The following RBFOX1 variants were observed in gnomAD, a reference collection of about 807,000 sequenced individuals.
The protein encoded by RBFOX1 is RNA binding fox-1 homolog 1.
RBFOX1 carries 8 observed loss-of-function variants against 57.7 expected under a neutral mutation model. The ratio of observed to expected loss-of-function variants is 0.14; its 90% CI spans 0.08 to 0.25. RBFOX1 has a LOEUF of 0.25. RBFOX1 is among the 10% of genes least tolerant of loss of function. The pLI is 1.00. For synonymous variants in RBFOX1, 326 were observed against 222.4 expected, an observed-to-expected ratio of 1.47 and a Z score of -4.15; for missense variants, 611 against 548.5, an observed-to-expected ratio of 1.11 and a Z score of -1.14.
intron 3 of RBFOX1, among the ~76,000 whole-genome samples, chr16:6,823,459 G>A (rs572988697): frequency 5.9e-5 from 9 of 152,174 alleles, no homozygotes; most frequent in African/African-American, 2.2e-4. Flanking sequence ...GTTTTGCCAT[G>A]TTGGCCACGC....
At chr16:7,148,570 C>A (rs916294412) in intron 4 of RBFOX1, among the ~76,000 whole-genome samples, 1 of 152,178 alleles carries the variant, frequency 6.6e-6, no homozygotes, top group Non-Finnish European at 1.5e-5. Flanking sequence ...GCTGTTTGAT[C>A]GAGAATGGAG....
chr16:5,656,481 G>A (rs1331990311), intron 3 of RBFOX1, among the ~76,000 whole-genome samples: 1 of 152,094 alleles, frequency 6.6e-6, no homozygotes, highest in Non-Finnish European at 1.5e-5. Context: ...TCTGTACATA[G>A]TTAACATATA....
intron 1 of RBFOX1, among the ~76,000 whole-genome samples, chr16:5,423,384 TAAC>T (rs897125550): frequency 6.6e-6 from 1 of 152,150 alleles, no homozygotes; most frequent in African/African-American, 2.4e-5. Flanking sequence ...TAGATTTATG[TAAC>T]AACAAATGCA....
At chr16:5,452,116 CTTTTTTT>C (rs148215801) in intron 1 of RBFOX1, among the ~76,000 whole-genome samples, 11 of 108,120 alleles carry the variant, frequency 1.0e-4, no homozygotes, top group African/African-American at 4.2e-4. Context: ...CTCTCTCTCT[CTTTTTTT>C]TTTTTTTTTT....
chr16:7,201,452 C>CTTTTTTTTT (rs71147669), intron 4 of RBFOX1, among the ~76,000 whole-genome samples: 1 of 146,048 alleles, frequency 6.8e-6, no homozygotes, highest in Non-Finnish European at 1.5e-5. Context: ...CGATCTGATT[C>CTTTTTTTTT]TTTTTTTTTT....
chr16:5,710,032 T>C (rs2051426447), intron 3 of RBFOX1, among the ~76,000 whole-genome samples: 2 of 150,622 alleles, frequency 1.3e-5, no homozygotes, highest in African/African-American at 4.9e-5. Flanking sequence ...TGAAGGGTTT[T>C]GTGATTTTTA....
At chr16:5,639,148 C>G (rs2048778940) in intron 3 of RBFOX1, among the ~76,000 whole-genome samples, 1 of 152,184 alleles carries the variant, frequency 6.6e-6, no homozygotes, top group East Asian at 1.9e-4. Flanking sequence ...CGGTACAATA[C>G]AGTTTTATTA....
chr16:6,843,936 C>G (rs1039191866), intron 3 of RBFOX1, among the ~76,000 whole-genome samples: 4 of 152,140 alleles, frequency 2.6e-5, no homozygotes, highest in African/African-American at 9.7e-5. Context: ...TCTCCACTGT[C>G]TCATGGAAAT....
At chr16:6,036,074 C>T (rs537847838) in intron 1 of RBFOX1, among the ~76,000 whole-genome samples, 1 of 152,278 alleles carries the variant, frequency 6.6e-6, no homozygotes, top group South Asian at 2.1e-4. Flanking sequence ...AAAAATCAGT[C>T]CCCTCCCTTC....
intron 4 of RBFOX1, among the ~76,000 whole-genome samples, chr16:7,090,684 A>T (rs2060684288): frequency 6.6e-6 from 1 of 152,162 alleles, no homozygotes; most frequent in South Asian, 2.1e-4. Context: ...GTACAGGGGA[A>T]AGAAAGTTGA....
At chr16:5,890,721 A>AAG (rs2058026896) in intron 4 of RBFOX1, among the ~76,000 whole-genome samples, 1 of 150,004 alleles carries the variant, frequency 6.7e-6, no homozygotes, top group Non-Finnish European at 1.5e-5. Context: ...AAAAAAAAAA[A>AAG]GTGAAGGTGC....
At position 7,347,571 on chromosome 16, in the gene RBFOX1, C is replaced by T. The variant is rs141004465; in HGVS notation, c.28-170576C>T. 6.8e-3 allele frequency among the ~76,000 whole-genome samples: 1,031 copies of T among 152,162 alleles called. 10 individuals are homozygous for T. The highest frequency in any genetic ancestry group is 0.016 in the South Asian group (78 of 4,814). On this transcript the variant is annotated intron_variant, in intron 4 of 15. Coordinates refer to ENST00000550418, the MANE Select transcript of RBFOX1 (RefSeq NM_018723.4). ...ACAGCCAAACGATATCAAGTGGACA[C>T]CTGGAATTATCGAGCATTATCCAGA... is the stretch of plus-strand genomic sequence containing the variant.
chr16:7,081,005 C>G (rs1219942904), intron 4 of RBFOX1, among the ~76,000 whole-genome samples: 1 of 152,190 alleles, frequency 6.6e-6, no homozygotes, highest in Non-Finnish European at 1.5e-5. Flanking sequence ...CTCCTCAGCC[C>G]TTGCGAGTTG....
intron 4 of RBFOX1, among the ~76,000 whole-genome samples, chr16:7,149,359 A>G (rs2075676605): frequency 2.0e-5 from 3 of 152,106 alleles, no homozygotes; most frequent in South Asian, 4.1e-4. Context: ...CTCAATAATC[A>G]TAAAAGTACA....
At chr16:6,606,392 A>G (rs958358506) in intron 2 of RBFOX1, among the ~76,000 whole-genome samples, 16 of 152,202 alleles carry the variant, frequency 1.1e-4, no homozygotes, top group African/African-American at 3.4e-4. Context: ...TCTGGGGTAC[A>G]TGTCCAGGAC....
intron 3 of RBFOX1, among the ~76,000 whole-genome samples, chr16:5,622,110 A>T (rs1214106867): frequency 6.6e-6 from 1 of 152,190 alleles, no homozygotes; most frequent in Non-Finnish European, 1.5e-5. Context: ...AAAACCATAC[A>T]TGAATCACAT....
chr16:7,705,021 G>GTGAC (rs1379126301), intron 14 of RBFOX1, among the ~76,000 whole-genome samples: 1 of 148,594 alleles, frequency 6.7e-6, no homozygotes, highest in Non-Finnish European at 1.5e-5. Context: ...TCCAGCCGAG[G>GTGAC]TGACAGAGCA....
intron 4 of RBFOX1, among the ~76,000 whole-genome samples, chr16:7,271,332 TG>T (rs2095313352): frequency 6.6e-6 from 1 of 151,988 alleles, no homozygotes; most frequent in Non-Finnish European, 1.5e-5. Flanking sequence ...TTGCAACAAC[TG>T]GATCTTTGTT....
intron 4 of RBFOX1, among the ~76,000 whole-genome samples, chr16:5,939,432 C>T (rs2059237093): frequency 1.3e-5 from 2 of 152,196 alleles, no homozygotes; most frequent in South Asian, 4.1e-4. Flanking sequence ...GGGAGAGCTA[C>T]TCCCAAGATG....
Sources: allele counts gnomAD v4.1 joint callset (sites outside exome capture counted in the v4.1 genomes callset), GRCh38; gene constraint gnomAD v4.1.1; transcripts MANE v1.5; gene names NCBI Gene and HGNC (gene_info 2026-07-23, HGNC 2026-07-21).